PPFIA2: variants seen among roughly 807,000 people sequenced by gnomAD.
The protein encoded by PPFIA2 is liprin-alpha-2.
In PPFIA2, 46 loss-of-function variants were observed where a neutral mutation model predicts 175.5. The ratio of observed to expected loss-of-function variants is 0.26; its 90% CI spans 0.21 to 0.34. The LOEUF is 0.34. Ranked by LOEUF, PPFIA2 falls within the 10% of genes least tolerant of loss-of-function variation. PPFIA2 has a pLI of 1.00. For synonymous variants in PPFIA2, 568 were observed against 511.4 expected (o/e 1.11, Z -1.49); for missense variants, 1,179 against 1,506.1 (o/e 0.78, Z 3.60).
chr12:81,727,709 G>T (rs2080273148), intron 3 of PPFIA2, among the ~76,000 whole-genome samples: 1 of 151,320 alleles, frequency 6.6e-6, no homozygotes, highest in Non-Finnish European at 1.5e-5. Context: ...CTTTTTCATA[G>T]ATCTGGAGTA....
intron 15 of PPFIA2, among the ~76,000 whole-genome samples, chr12:81,358,737 A>G (rs1216070556): frequency 6.6e-6 from 1 of 152,112 alleles, no homozygotes; most frequent in African/African-American, 2.4e-5. Flanking sequence ...TTTTCAATTT[A>G]GAGAATCAAC....
intron 3 of PPFIA2, among the ~76,000 whole-genome samples, chr12:81,752,823 G>A (rs181586451): frequency 2.0e-5 from 3 of 152,212 alleles, no homozygotes; most frequent in East Asian, 1.9e-4. Flanking sequence ...TTTAAGGAGC[G>A]GGCCAATCAA....
chr12:81,422,539 C>A (rs1730670864), intron 7 of PPFIA2, among the ~76,000 whole-genome samples: 1 of 152,106 alleles, frequency 6.6e-6, no homozygotes, highest in African/African-American at 2.4e-5. Context: ...AAAGAAATTA[C>A]TACAGATGGA....
intron 4 of PPFIA2, among the ~76,000 whole-genome samples, chr12:81,557,062 C>A (rs1006558986): frequency 1.3e-5 from 2 of 150,974 alleles, no homozygotes; most frequent in African/African-American, 4.9e-5. Context: ...CTCAATGAGA[C>A]CATCAGCAGT....
At chr12:81,528,799 T>C (rs1168254284) in intron 4 of PPFIA2, among the ~76,000 whole-genome samples, 1 of 151,982 alleles carries the variant, frequency 6.6e-6, no homozygotes, top group Non-Finnish European at 1.5e-5. Flanking sequence ...GGGACTGCAG[T>C]GCTCACCCAC....
At chr12:81,716,757 A>T (rs965669574) in intron 3 of PPFIA2, among the ~76,000 whole-genome samples, 2 of 151,762 alleles carry the variant, frequency 1.3e-5, no homozygotes, top group African/African-American at 4.8e-5. Context: ...TTCACTTTTT[A>T]AAATTATTAC....
intron 5 of PPFIA2, among the ~76,000 whole-genome samples, chr12:81,453,550 C>A (rs1038179020): frequency 6.6e-6 from 1 of 151,912 alleles, no homozygotes; most frequent in Non-Finnish European, 1.5e-5. Flanking sequence ...TTAGGAATAA[C>A]AAATTTTGTT....
intron 3 of PPFIA2, among the ~76,000 whole-genome samples, chr12:81,734,164 G>C (rs900864331): frequency 6.6e-6 from 1 of 151,780 alleles, no homozygotes; most frequent in Non-Finnish European, 1.5e-5. Context: ...AGTGATAGGT[G>C]CTGTGGAGCT....
intron 16 of PPFIA2, among the ~76,000 whole-genome samples, chr12:81,353,758 A>T (rs2060423693): frequency 1.3e-5 from 2 of 152,200 alleles, no homozygotes; most frequent in Non-Finnish European, 2.9e-5. Flanking sequence ...ATATTATCAC[A>T]TAAGAAATTA....
intron 7 of PPFIA2, among the ~76,000 whole-genome samples, chr12:81,422,710 T>C (rs1286996892): frequency 6.6e-6 from 1 of 152,014 alleles, no homozygotes; most frequent in Non-Finnish European, 1.5e-5. Flanking sequence ...ACCCCCATGA[T>C]AAAATTACCT....
chr12:81,477,427 T>C (rs372750517), intron 4 of PPFIA2, among the ~76,000 whole-genome samples: 103 of 152,298 alleles, frequency 6.8e-4, no homozygotes, highest in African/African-American at 2.3e-3. Flanking sequence ...CATTTGTTCA[T>C]TGAATATTTT....
chr12:81,386,557 G>A (rs2142071173), intron 8 of PPFIA2, among the ~76,000 whole-genome samples: 1 of 151,870 alleles, frequency 6.6e-6, no homozygotes, highest in East Asian at 2.0e-4. Context: ...AGAAGGTCCA[G>A]GTTGTAGTGA....
At chr12:81,595,411 AT>A (rs947870468) in intron 4 of PPFIA2, among the ~76,000 whole-genome samples, 2 of 152,074 alleles carry the variant, frequency 1.3e-5, no homozygotes, top group Non-Finnish European at 2.9e-5. Context: ...ATTAAAGGGC[AT>A]TTTAGAAACT....
At chr12:81,676,960 T>C (rs777248196) in intron 3 of PPFIA2, 116 bp from the exon 4 acceptor site, 3 of 673,326 alleles carry the variant, frequency 4.5e-6, no homozygotes, top group Non-Finnish European at 7.0e-6. Context: ...AGCTATTTTA[T>C]TATTTTTTTG....
chr12:81,524,790 C>A (rs2063554250), intron 4 of PPFIA2, among the ~76,000 whole-genome samples: 1 of 152,118 alleles, frequency 6.6e-6, no homozygotes, highest in Admixed American at 6.6e-5. Flanking sequence ...CTAAATATAT[C>A]CCCTTAAAAT....
chr12:81,685,919 G>A (rs536341170), intron 3 of PPFIA2, among the ~76,000 whole-genome samples: 2 of 151,916 alleles, frequency 1.3e-5, no homozygotes, highest in Non-Finnish European at 2.9e-5. Context: ...AGGTAACATC[G>A]TAACTCTCTT....
Position 81,682,049 on chromosome 12 carries a change from A to G in PPFIA2, c.250-5205T>C, listed in dbSNP as rs149488545. Reference sequence around the variant, plus strand: ...ATAATTGTCAATTATGGGCATTTTAAAATTTCAGATTTATGCATTGTTATG... The same window carrying G: ...ATAATTGTCAATTATGGGCATTTTAGAATTTCAGATTTATGCATTGTTATG... On this transcript the variant is annotated intron_variant, in intron 3 of 32. Coordinates refer to ENST00000549396, the MANE Select transcript of PPFIA2 (RefSeq NM_003625.5). Among the ~76,000 whole-genome samples, 609 of 152,174 alleles carry G rather than the reference A, an allele frequency of 4.0e-3. 5 individuals carry two copies. Among genetic ancestry groups the G allele is most frequent in the African/African-American group, 0.013 (547 of 41,546 alleles).
At chr12:81,741,753 C>T (rs549003386) in intron 3 of PPFIA2, among the ~76,000 whole-genome samples, 1 of 151,886 alleles carries the variant, frequency 6.6e-6, no homozygotes, top group East Asian at 1.9e-4. Context: ...ACACCCCTGC[C>T]TGACCTCAGA....
chr12:81,624,972 T>C (rs941260675), intron 4 of PPFIA2, among the ~76,000 whole-genome samples: 3 of 151,538 alleles, frequency 2.0e-5, no homozygotes, highest in African/African-American at 4.8e-5. Flanking sequence ...CCAAAAACTA[T>C]TGAAATAACA....
Sources: gnomAD v4.1 joint callset for allele counts (sites outside exome capture counted in the v4.1 genomes callset) on GRCh38, gnomAD v4.1.1 for gene constraint, MANE v1.5 for transcripts, NCBI Gene and HGNC (gene_info 2026-07-23, HGNC 2026-07-21) for gene names.